The following MB21D2 variants were observed in gnomAD, a reference collection of about 807,000 sequenced individuals.
MB21D2 encodes the protein nucleotidyltransferase MB21D2.
In MB21D2, 9 loss-of-function variants were observed where a neutral mutation model predicts 33.3. That is an observed-to-expected ratio of 0.27 (90% confidence interval 0.16 to 0.47). MB21D2 has a LOEUF of 0.47. Ranked by LOEUF, MB21D2 falls within the 20% of genes least tolerant of loss-of-function variation. MB21D2 has a pLI of 0.99. For missense variants in MB21D2, 540 were observed against 624.6 expected (o/e 0.86, Z 1.44); for synonymous variants, 241 against 236.3 (o/e 1.02, Z -0.18).
rs2108657556 is a variant in MB21D2 at position 192,914,159 on chromosome 3, A to G, written c.211+3471T>C. ...TTAGAGTAAGGCTGACCTGAGTTTC[A>G]GTAGCATCTCTACCATCTATTAGCT... is the stretch of plus-strand genomic sequence containing the variant. On this transcript the variant is annotated intron_variant, in intron 1 of 1. Transcript: ENST00000392452. Among the ~76,000 whole-genome samples the G allele has an allele frequency of 2.6e-5, 4 of 152,310 alleles. No homozygotes were observed. The Middle Eastern group carries it at 0.01, about 389-fold the overall frequency.
At chr3:192,807,091 T>C (rs900846829) in intron 1 of MB21D2, among the ~76,000 whole-genome samples, 19 of 152,188 alleles carry the variant, frequency 1.2e-4, no homozygotes, top group African/African-American at 4.1e-4. Flanking sequence ...GGCACATGCA[T>C]ACACATATCG....
chr3:192,800,740 G>A (rs896625050), intron 1 of MB21D2, among the ~76,000 whole-genome samples: 1 of 152,168 alleles, frequency 6.6e-6, no homozygotes, highest in African/African-American at 2.4e-5. Context: ...GTTGTGAGCT[G>A]AACTAGCCTC....
chr3:192,882,281 G>T (rs1025398852), intron 1 of MB21D2, among the ~76,000 whole-genome samples: 1 of 152,200 alleles, frequency 6.6e-6, no homozygotes, highest in Admixed American at 6.5e-5. Context: ...CTCCATGTTG[G>T]TTAGGCTGGT....
At chr3:192,811,119 C>T (rs1384827469) in intron 1 of MB21D2, among the ~76,000 whole-genome samples, 1 of 152,244 alleles carries the variant, frequency 6.6e-6, no homozygotes, top group Non-Finnish European at 1.5e-5. Flanking sequence ...ATTGGGGCGA[C>T]TGTCAACCAC....
intron 1 of MB21D2, among the ~76,000 whole-genome samples, chr3:192,867,997 A>T (rs559300043): frequency 1.2e-4 from 18 of 152,200 alleles, no homozygotes; most frequent in Non-Finnish European, 2.6e-4. Flanking sequence ...GAGGTCCAGA[A>T]ATCATACAGC....
At chr3:192,897,332 G>A (rs35544990) in intron 1 of MB21D2, among the ~76,000 whole-genome samples, 77,536 of 151,532 alleles carry the variant, frequency 0.51, 19,901 homozygotes, top group South Asian at 0.53. Context: ...CCTGACTCCT[G>A]ACCCCAGGGC....
rs923779981 is a variant in MB21D2 at position 192,894,963 on chromosome 3, C to T, written c.211+22667G>A. Among the ~76,000 whole-genome samples the T allele has an allele frequency of 7.2e-5, 11 of 152,130 alleles. No individual in the cohort carries two copies. The East Asian group carries it at 9.6e-4, about 13-fold the overall frequency. On this transcript the variant is annotated intron_variant, in intron 1 of 1. Coordinates refer to ENST00000392452, the MANE Select transcript of MB21D2 (RefSeq NM_178496.4). ...ACATCTCAGAGCACATTCCCGAGCT[C>T]GTCTCATCTAAGAGGGTTCTTTGGG... is the stretch of plus-strand genomic sequence containing the variant.
chr3:192,846,238 T>A (rs547503540), intron 1 of MB21D2, among the ~76,000 whole-genome samples: 5 of 152,148 alleles, frequency 3.3e-5, no homozygotes, highest in African/African-American at 1.2e-4. Flanking sequence ...ATCTTATTAA[T>A]CCATATAAGC....
intron 1 of MB21D2, among the ~76,000 whole-genome samples, chr3:192,828,680 G>A (rs2367019): frequency 2.0e-5 from 2 of 100,012 alleles, no homozygotes; most frequent in Non-Finnish European, 2.0e-5. Flanking sequence ...ACGGAGTCTC[G>A]CTCTGTCGCC....
At chr3:192,904,429 T>C (rs999524970) in intron 1 of MB21D2, among the ~76,000 whole-genome samples, 5 of 152,212 alleles carry the variant, frequency 3.3e-5, no homozygotes, top group East Asian at 1.9e-4. Context: ...TCTTTAAAAT[T>C]TGATTTATTC....
rs78411808 is a variant in MB21D2, at chr3:192,840,723, A to T, written c.212-41073T>A. Among the ~76,000 whole-genome samples the T allele has an allele frequency of 1.1e-4, 17 of 152,336 alleles. No individual in the cohort carries two copies. The East Asian group carries it at 3.3e-3, about 29-fold the overall frequency. Reference sequence around the variant, plus strand: ...CTTAAGCTCCCTTGATCAGTAGAACAGTCAGATAAATCAGAGGCTTTGGAT... The same window carrying T: ...CTTAAGCTCCCTTGATCAGTAGAACTGTCAGATAAATCAGAGGCTTTGGAT... On this transcript the variant is annotated intron_variant, in intron 1 of 1. Coordinates refer to ENST00000392452, the MANE Select transcript of MB21D2 (RefSeq NM_178496.4).
At chr3:192,844,466 G>A (rs1288871802) in intron 1 of MB21D2, among the ~76,000 whole-genome samples, 6 of 152,164 alleles carry the variant, frequency 3.9e-5, no homozygotes, top group African/African-American at 9.7e-5. Flanking sequence ...CCACTGCTGT[G>A]CTCTTTAGCT....
chr3:192,891,541 A>AT (rs1261371449), intron 1 of MB21D2, among the ~76,000 whole-genome samples: 1 of 152,134 alleles, frequency 6.6e-6, no homozygotes, highest in Non-Finnish European at 1.5e-5. Context: ...CTCCCTCTGC[A>AT]TAACATTTTC....
chr3:192,823,961 C>G (rs1712114661), intron 1 of MB21D2, among the ~76,000 whole-genome samples: 1 of 152,076 alleles, frequency 6.6e-6, no homozygotes, highest in Non-Finnish European at 1.5e-5. Context: ...CAGTGAAAAT[C>G]ACTGCATTTC....
At chr3:192,905,768 G>A (rs1714203862) in intron 1 of MB21D2, among the ~76,000 whole-genome samples, 1 of 151,930 alleles carries the variant, frequency 6.6e-6, no homozygotes. Flanking sequence ...GGGAGGTTGA[G>A]GCTGCAGTGA....
At chr3:192,826,459 C>T (rs921472439) in intron 1 of MB21D2, among the ~76,000 whole-genome samples, 1 of 152,182 alleles carries the variant, frequency 6.6e-6, no homozygotes, top group Non-Finnish European at 1.5e-5. Flanking sequence ...TGCCAGTTGT[C>T]TTGGGCTATT....
intron 1 of MB21D2, among the ~76,000 whole-genome samples, chr3:192,808,386 A>G (rs1711711532): frequency 6.6e-6 from 1 of 152,242 alleles, no homozygotes; most frequent in Non-Finnish European, 1.5e-5. Context: ...TTTAGCCTGA[A>G]AAATGGAAAA....
At chr3:192,891,064 T>C (rs1713843672) in intron 1 of MB21D2, among the ~76,000 whole-genome samples, 1 of 152,168 alleles carries the variant, frequency 6.6e-6, no homozygotes, top group Admixed American at 6.5e-5. Context: ...TTATTTAAAC[T>C]ACAAAACACA....
chr3:192,908,301 A>G (rs1714254925), intron 1 of MB21D2, among the ~76,000 whole-genome samples: 1 of 152,170 alleles, frequency 6.6e-6, no homozygotes, highest in Non-Finnish European at 1.5e-5. Context: ...TGCAAAGATA[A>G]ATAAGCCAGG....
Sources: gnomAD v4.1 joint callset for allele counts (sites outside exome capture counted in the v4.1 genomes callset) on GRCh38, gnomAD v4.1.1 for gene constraint, MANE v1.5 for transcripts, NCBI Gene and HGNC (gene_info 2026-07-23, HGNC 2026-07-21) for gene names.